The following LY75 variants were observed in gnomAD, a reference collection of about 807,000 sequenced individuals.
LY75 encodes the protein C-type lectin domain family 13 member B.
Under a neutral mutation model 231.7 loss-of-function variants are expected in LY75, and 185 were observed. That is an observed-to-expected ratio of 0.80 (90% CI 0.71 to 0.90). The LOEUF is 0.90. Ranked by LOEUF, LY75 falls within the 40% of genes least tolerant of loss-of-function variation. The probability of loss-of-function intolerance (pLI) is 0.00; values close to 1 mark genes in which losing one functional copy is unlikely to be tolerated. For missense variants in LY75, 1,947 were observed against 2,050.2 expected (o/e 0.95, Z 0.97); for synonymous variants, 668 against 689.0 (o/e 0.97, Z 0.48).
At chr2:159,839,078 G>A (rs376637416) in intron 25 of LY75, among the ~76,000 whole-genome samples, 21 of 152,338 alleles carry the variant, frequency 1.4e-4, no homozygotes, top group African/African-American at 5.0e-4. Context: ...TTACAGGCAT[G>A]AGCCACCATG....
intron 21 of LY75, among the ~76,000 whole-genome samples, chr2:159,850,823 ATT>A (rs1402727333): frequency 1.7e-5 from 2 of 116,098 alleles, no homozygotes; most frequent in East Asian, 4.6e-4. Flanking sequence ...TAAGATATAT[ATT>A]GTATATTATA....
chr2:159,809,540 T>G (rs564428753), intron 32 of LY75, among the ~76,000 whole-genome samples: 1 of 152,296 alleles, frequency 6.6e-6, no homozygotes, highest in African/African-American at 2.4e-5. Context: ...AAATTTTACC[T>G]CTTAATTCCT....
chr2:159,813,455 C>G (rs1683026371), intron 31 of LY75, among the ~76,000 whole-genome samples: 1 of 151,650 alleles, frequency 6.6e-6, no homozygotes, highest in Non-Finnish European at 1.5e-5. Flanking sequence ...TCTCACAGTT[C>G]TGGAGGCTAG....
At chr2:159,805,912 C>G (rs888016037) in intron 34 of LY75, among the ~76,000 whole-genome samples, 52 of 152,178 alleles carry the variant, frequency 3.4e-4, no homozygotes, top group African/African-American at 1.1e-3. Context: ...GCCTTGCTTC[C>G]AAAGCTCTGT....
chr2:159,891,788 A>C (rs1464651856), intron 3 of LY75, among the ~76,000 whole-genome samples: 2 of 152,306 alleles, frequency 1.3e-5, no homozygotes, highest in African/African-American at 2.4e-5. Context: ...ATGTGGTCTG[A>C]CCCTGACAGG....
At position 159,858,307 on chromosome 2, in the gene LY75, A is replaced by G. The variant is rs1432696142; in HGVS notation, c.2383+55T>C. ...AATGCTCCCCTAGCTACTTTGAGCTAGGCATTCACAATGTTAACATGAGAA... is the reference window on the plus strand; with the variant it reads ...AATGCTCCCCTAGCTACTTTGAGCTGGGCATTCACAATGTTAACATGAGAA... On this transcript the variant is annotated intron_variant, in intron 16 of 34. Coordinates refer to ENST00000263636, the MANE Select transcript of LY75 (RefSeq NM_002349.4). 4.4e-6 allele frequency: 7 copies of G among 1,585,432 alleles called. No individual in the cohort carries two copies. The East Asian group carries it at 1.4e-4, about 31-fold the overall frequency.
intron 3 of LY75, among the ~76,000 whole-genome samples, chr2:159,893,480 A>C (rs568220997): frequency 2.0e-5 from 3 of 152,232 alleles, no homozygotes; most frequent in Admixed American, 6.5e-5. Flanking sequence ...TAACTACATA[A>C]ATTTGTTGCA....
chr2:159,819,604 A>T, intron 29 of LY75, 122 bp downstream of exon 29: 1 of 1,246,626 alleles, frequency 8.0e-7, no homozygotes, highest in Non-Finnish European at 1.1e-6. Context: ...TAACCTCTGT[A>T]ACACCTCGCA....
chr2:159,896,454 G>A (rs185073074), intron 2 of LY75, among the ~76,000 whole-genome samples: 21 of 152,310 alleles, frequency 1.4e-4, no homozygotes, highest in Admixed American at 9.2e-4. Flanking sequence ...AAGAAGCTAT[G>A]TTTGGGGAAT....
intron 14 of LY75, among the ~76,000 whole-genome samples, chr2:159,861,558 G>A (rs1487757745): frequency 6.6e-6 from 1 of 152,044 alleles, no homozygotes; most frequent in Admixed American, 6.5e-5. Context: ...GACCAGCCTG[G>A]GCAACATGGT....
intron 23 of LY75, among the ~76,000 whole-genome samples, chr2:159,846,355 T>C (rs1274334844): frequency 6.6e-6 from 1 of 152,000 alleles, no homozygotes; most frequent in Non-Finnish European, 1.5e-5. Flanking sequence ...TGAGACCCTG[T>C]CTCTACAAAA....
Position 159,886,487 on chromosome 2 carries a change from C to T in LY75, c.846G>A (p.Gln282=). The change falls in exon 5 of 35, where the codon CAG becomes CAA. Residue 282 remains glutamine, a synonymous_variant. Transcript: ENST00000263636. ...IAKIFWIGLN[Q]LYSARGWEWS... ...ATTCCCAGCCTCTAGCAGAGTATAG[C>T]TGATTTAAACCAATCCAGAAAATCT... 1 of 1,610,364 alleles carries T rather than the reference C, an allele frequency of 6.2e-7. No homozygotes were observed. The highest frequency in any genetic ancestry group is 8.5e-7 in the Non-Finnish European group (1 of 1,178,120).
intron 11 of LY75, among the ~76,000 whole-genome samples, chr2:159,876,733 C>T (rs374337762): frequency 2.1e-4 from 32 of 152,090 alleles, no homozygotes; most frequent in South Asian, 1.5e-3. Flanking sequence ...TGGCCAGGCA[C>T]GGTGGCTCAC....
Position 159,805,262 on chromosome 2 carries a change from A to G in LY75, c.4991-40T>C, listed in dbSNP as rs188976689. 8.5e-5 allele frequency: 127 copies of G among 1,487,544 alleles called. 1 individual carries two copies. The Middle Eastern group carries it at 2.8e-3, about 33-fold the overall frequency. The allele number at this position is 1,487,544 out of a possible 1,614,324, so 92.1% of individuals were successfully genotyped here. A position where few individuals can be genotyped will look rare whatever the true frequency, so the allele number is the denominator to read the frequency against. On this transcript the variant is annotated intron_variant, in intron 34 of 34. Coordinates refer to ENST00000263636, the MANE Select transcript of LY75 (RefSeq NM_002349.4). Reference sequence around the variant, plus strand: ...GGTTTGATGTTGGAGGAGAGAATACAAAAGTGATCATTATTGATTTTATAC... The same window carrying G: ...GGTTTGATGTTGGAGGAGAGAATACGAAAGTGATCATTATTGATTTTATAC...
intron 25 of LY75, 44 bp downstream of exon 25, chr2:159,840,685 C>A: frequency 6.2e-7 from 1 of 1,611,974 alleles, no homozygotes; most frequent in South Asian, 1.1e-5. Flanking sequence ...TAAAAAATGT[C>A]GCTTTCCATC....
Position 159,843,053 on chromosome 2 carries a change from G to A in LY75, c.3151-679C>T, listed in dbSNP as rs1403400184. ...AGAAATGTCAAAAAAATTGGTATGA[G>A]TAAAACTTTATGTGGAGCCAAATGT... is the stretch of plus-strand genomic sequence containing the variant. On this transcript the variant is annotated intron_variant, in intron 23 of 34. Coordinates refer to ENST00000263636, the MANE Select transcript of LY75 (RefSeq NM_002349.4). Among the ~76,000 whole-genome samples, 5 of 151,988 alleles carry A rather than the reference G, an allele frequency of 3.3e-5. No homozygotes were observed. In the East Asian group the frequency reaches 9.6e-4, roughly 29 times the overall value.
chr2:159,831,674 A>C lies in LY75; in HGVS notation c.3954T>G (p.Tyr1318Ter). 1 of 1,608,442 alleles carries C rather than the reference A, an allele frequency of 6.2e-7. No individual in the cohort carries two copies. The highest frequency in any genetic ancestry group is 8.5e-7 in the Non-Finnish European group (1 of 1,178,566). The part of the protein sequence containing the change: ...MASWVMLGIT[Y>*]RNKSLMWFDK... Reference sequence around the variant, plus strand: ...GTTGGCAGATTTACAACTTACTTCTATAAGTTATTCCTAACATGACCCATG... The same window carrying C: ...GTTGGCAGATTTACAACTTACTTCTCTAAGTTATTCCTAACATGACCCATG... Residue 1318 changes from tyrosine (Y) to a stop codon, truncating the protein, a stop_gained, in exon 28 of 35, where the codon TAT (tyrosine) becomes TAG (stop). Transcript: ENST00000263636. LOFTEE classifies it high-confidence loss of function.
intron 28 of LY75, among the ~76,000 whole-genome samples, chr2:159,827,444 A>G (rs1406626377): frequency 2.0e-5 from 3 of 152,226 alleles, no homozygotes; most frequent in Non-Finnish European, 4.4e-5. Flanking sequence ...ACAATCATTA[A>G]AAAGTCAGGA....
rs762118914 is a variant in LY75 at position 159,815,499 on chromosome 2, A to G, written c.4455T>C (p.Pro1485=). ...DYIPWKGQTS[P]GNCVLLDPKG... is the part of the protein sequence containing the mutation. ...TTGGATCCAAGAGAACACAATTTCCAGGAGATGTTTGGCCTTTCCATGGGA... is the reference window on the plus strand; with the variant it reads ...TTGGATCCAAGAGAACACAATTTCCGGGAGATGTTTGGCCTTTCCATGGGA... Residue 1485 remains proline, a synonymous_variant, in exon 31 of 35, where the codon CCT becomes CCC. Coordinates refer to ENST00000263636, the MANE Select transcript of LY75 (RefSeq NM_002349.4). 6.2e-7 allele frequency: 1 copy of G among 1,613,934 alleles called. No homozygotes were observed.
Sources: gnomAD v4.1 joint callset for allele counts (sites outside exome capture counted in the v4.1 genomes callset) on GRCh38, gnomAD v4.1.1 for gene constraint, MANE v1.5 for transcripts, NCBI Gene and HGNC (gene_info 2026-07-23, HGNC 2026-07-21) for gene names.